Variants in ENTREP2 observed in about 807,000 individuals in gnomAD.
The protein encoded by ENTREP2 is endosomal transmembrane epsin interactor 2, also known as protein ENTREP2.
chr15:29,552,448 G>A, the ENTREP2 span, among the ~76,000 whole-genome samples: 1 of 151,914 alleles, frequency 6.6e-6, no homozygotes, highest in Non-Finnish European at 1.5e-5. Flanking sequence ...ATAACAAAAA[G>A]GAAAGCAGGG....
the ENTREP2 span, among the ~76,000 whole-genome samples, chr15:29,657,106 G>A: frequency 5.3e-5 from 8 of 152,244 alleles, no homozygotes; most frequent in African/African-American, 1.4e-4. Flanking sequence ...AGAGGGCAGT[G>A]GCGCGGTCTT....
At chr15:29,184,308 A>G in the ENTREP2 span, among the ~76,000 whole-genome samples, 1 of 152,178 alleles carries the variant, frequency 6.6e-6, no homozygotes, top group Non-Finnish European at 1.5e-5. Context: ...TTAAGGGTGC[A>G]GTGCTCAACT....
the ENTREP2 span, among the ~76,000 whole-genome samples, chr15:29,636,068 A>T: frequency 2.0e-5 from 3 of 152,226 alleles, no homozygotes; most frequent in African/African-American, 7.2e-5. Context: ...TCAGTCTTCA[A>T]GGACAGAAAG....
At chr15:29,472,387 G>A in the ENTREP2 span, among the ~76,000 whole-genome samples, 4 of 151,400 alleles carry the variant, frequency 2.6e-5, no homozygotes, top group Non-Finnish European at 5.9e-5. Flanking sequence ...TCTGGCTTCA[G>A]TGTGTTAATA....
the ENTREP2 span, chr15:29,269,491 T>A: frequency 6.2e-7 from 1 of 1,609,164 alleles, no homozygotes; most frequent in Admixed American, 1.7e-5. Flanking sequence ...GGGGGCGGCC[T>A]GGGCCCGGCG....
the ENTREP2 span, among the ~76,000 whole-genome samples, chr15:29,333,934 T>C: frequency 2.0e-5 from 3 of 148,860 alleles, no homozygotes; most frequent in Non-Finnish European, 4.4e-5. Flanking sequence ...AGAGACGGGG[T>C]GATGCATCTA....
chr15:29,411,164 G>C, the ENTREP2 span, among the ~76,000 whole-genome samples: 103 of 152,300 alleles, frequency 6.8e-4, no homozygotes, highest in African/African-American at 2.4e-3. Context: ...ACTATTCGTT[G>C]ATGACTATCC....
the ENTREP2 span, among the ~76,000 whole-genome samples, chr15:29,649,674 G>A: frequency 2.1e-5 from 3 of 144,202 alleles, no homozygotes; most frequent in Admixed American, 7.3e-5. Flanking sequence ...GAGCAAGATC[G>A]AGCCACTGCT....
the ENTREP2 span, among the ~76,000 whole-genome samples, chr15:29,369,154 G>T: frequency 6.2e-4 from 95 of 152,054 alleles, no homozygotes; most frequent in African/African-American, 2.2e-3. Context: ...AGTGAAAAGG[G>T]CAGAAAATAC....
the ENTREP2 span, among the ~76,000 whole-genome samples, chr15:29,321,996 T>G: frequency 3.3e-5 from 5 of 149,700 alleles, no homozygotes; most frequent in African/African-American, 1.2e-4. Flanking sequence ...AATTTAAATT[T>G]AAAAAAAAGG....
At chr15:29,530,716 A>G in the ENTREP2 span, among the ~76,000 whole-genome samples, 1 of 152,242 alleles carries the variant, frequency 6.6e-6, no homozygotes, top group African/African-American at 2.4e-5. Context: ...GCACAGAAAC[A>G]TACATTATTT....
the ENTREP2 span, among the ~76,000 whole-genome samples, chr15:29,594,880 C>T: frequency 6.6e-6 from 1 of 151,756 alleles, no homozygotes; most frequent in Admixed American, 6.6e-5. Context: ...TCCTGGCTAA[C>T]ACGGTGAAAC....
At chr15:29,130,413 G>A in the ENTREP2 span, among the ~76,000 whole-genome samples, 19 of 152,212 alleles carry the variant, frequency 1.2e-4, no homozygotes, top group East Asian at 5.8e-4. Flanking sequence ...CACAAAGAGC[G>A]AACAATGTCC....
chr15:29,140,185 CTG>C, the ENTREP2 span, among the ~76,000 whole-genome samples: 1 of 152,228 alleles, frequency 6.6e-6, no homozygotes, highest in South Asian at 2.1e-4. Flanking sequence ...CTCCCCGTAA[CTG>C]TGTTGAAATC....
the ENTREP2 span, among the ~76,000 whole-genome samples, chr15:29,546,229 ATTAAAGCAAGCATCTTTT>A: frequency 6.6e-6 from 1 of 152,214 alleles, no homozygotes; most frequent in Admixed American, 6.5e-5. Context: ...ACACTGTAAT[ATTAAAGCAAGCATCTTTT>A]TTAAGATAAA....
chr15:29,175,035 G>A, the ENTREP2 span, among the ~76,000 whole-genome samples: 8 of 152,242 alleles, frequency 5.3e-5, no homozygotes, highest in South Asian at 8.3e-4. Context: ...TCAGTTTCTC[G>A]CTGGGCCTCA....
chr15:29,410,682 A>C, the ENTREP2 span, among the ~76,000 whole-genome samples: 2 of 152,222 alleles, frequency 1.3e-5, no homozygotes, highest in Non-Finnish European at 2.9e-5. Context: ...CCAGGCTAAG[A>C]ACATTCACGT....
At chr15:29,672,280 GC>G in the ENTREP2 span, among the ~76,000 whole-genome samples, 997 of 152,144 alleles carry the variant, frequency 6.6e-3, 13 homozygotes, top group African/African-American at 0.023. Context: ...GAGCCACCGC[GC>G]CCGGTTTACT....
At chr15:29,370,529 G>C in the ENTREP2 span, among the ~76,000 whole-genome samples, 1 of 151,952 alleles carries the variant, frequency 6.6e-6, no homozygotes, top group Non-Finnish European at 1.5e-5. Flanking sequence ...TGAAAAATGA[G>C]AAATGTCATT....
Sources: gnomAD v4.1 joint callset for allele counts (sites outside exome capture counted in the v4.1 genomes callset) on GRCh38, gnomAD v4.1.1 for gene constraint, MANE v1.5 for transcripts, NCBI Gene and HGNC (gene_info 2026-07-23, HGNC 2026-07-21) for gene names.